Variants in TBC1D24 observed in about 807,000 individuals in gnomAD.
TBC1D24 encodes the protein Infantile myoclonic epilepsy.
Under a neutral mutation model 50.7 loss-of-function variants are expected in TBC1D24, and 47 were observed. The observed-to-expected ratio is 0.93, with a 90% CI of 0.73 to 1.18. TBC1D24 has a LOEUF of 1.18. TBC1D24 is among the 50% of genes most tolerant of loss of function. The pLI is 0.00. For synonymous variants in TBC1D24, 324 were observed against 335.2 expected, an observed-to-expected ratio of 0.97 and a Z score of 0.36; for missense variants, 688 against 766.5, an observed-to-expected ratio of 0.90 and a Z score of 1.21.
At chr16:2,476,426 T>G (rs2065569246) in intron 1 of TBC1D24, 1 of 152,250 alleles carries the variant, frequency 6.6e-6, no homozygotes, top group South Asian at 2.1e-4. Context: ...CCAATCCAGA[T>G]TAGAGAAGAT....
In TBC1D24 at chr16:2,501,257, G is replaced by A. The variant is rs2065791861; in HGVS notation, c.*299G>A. ...CTCCGTGGAGGCTTCCATAGCCCAA[G>A]GCCTTGGGAGTGTCTGGGTCTTGCT... On this transcript the variant is annotated 3_prime_UTR_variant, in exon 8 of 8. Coordinates refer to ENST00000646147, the MANE Select transcript of TBC1D24 (RefSeq NM_001199107.2). 6.4e-6 allele frequency: 3 copies of A among 470,816 alleles called. No individual in the cohort carries two copies. Among genetic ancestry groups the A allele is most frequent in the Non-Finnish European group, 1.2e-5 (3 of 256,354 alleles). 29.2% of individuals were successfully genotyped at this position (470,816 alleles called of 1,614,324 possible).
intron 1 of TBC1D24, among the ~76,000 whole-genome samples, chr16:2,493,020 G>A (rs2065708179): frequency 1.3e-5 from 2 of 151,924 alleles, no homozygotes; most frequent in South Asian, 4.2e-4. Flanking sequence ...TGAACCCAGG[G>A]AGGCGGAGGT....
chr16:2,487,582 G>T lies in TBC1D24; in HGVS notation c.-115-8452G>T, dbSNP rs1204405606. Among the ~76,000 whole-genome samples the T allele has an allele frequency of 6.6e-6, 1 of 152,236 alleles. No homozygotes were observed. Among genetic ancestry groups the T allele is most frequent in the Non-Finnish European group, 1.5e-5 (1 of 68,050 alleles). On this transcript the variant is annotated intron_variant, in intron 1 of 7. Coordinates refer to ENST00000646147, the MANE Select transcript of TBC1D24 (RefSeq NM_001199107.2). The surrounding 1 kb of genome is among the most constrained non-coding windows in gnomAD (Gnocchi z 4.1). ...GACGTGCAGAGGCCTCGTGACTCAGGCTGTCAGGCCTGGAGTTTGGTGCTG... is the reference window on the plus strand; with the variant it reads ...GACGTGCAGAGGCCTCGTGACTCAGTCTGTCAGGCCTGGAGTTTGGTGCTG...
Position 2,500,116 on chromosome 16 carries a change from C to A in TBC1D24, c.1303-152C>A. On this transcript the variant is annotated intron_variant, in intron 6 of 7. Coordinates refer to ENST00000646147, the MANE Select transcript of TBC1D24 (RefSeq NM_001199107.2). The surrounding 1 kb of genome is among the most constrained non-coding windows in gnomAD (Gnocchi z 8.0). ...GCTGCTCCGGGGCAGGGGGCTTCAT[C>A]TGCTCGAGCCACCAGCTCCCCAGCC... 2 of 938,782 alleles carry A rather than the reference C, an allele frequency of 2.1e-6. No homozygotes were observed. Among genetic ancestry groups the A allele is most frequent in the South Asian group, 1.4e-5 (1 of 70,350 alleles). 58.2% of individuals were successfully genotyped at this position (938,782 alleles called of 1,614,324 possible).
chr16:2,496,481 G>A lies in TBC1D24; in HGVS notation c.333G>A (p.Glu111=), dbSNP rs749237671. Reference sequence around the variant, plus strand: ...GCTACTGCCTGAATGCACGCGGCGAGGGGGCCGTGCGCAAGATCCTCCTGT... The same window carrying A: ...GCTACTGCCTGAATGCACGCGGCGAAGGGGCCGTGCGCAAGATCCTCCTGT... ...VPSYCLNARG[E]GAVRKILLCL... Residue 111 remains glutamate (E), a synonymous_variant, in exon 2 of 8, where the codon GAG becomes GAA. Transcript: ENST00000646147. 2.5e-6 allele frequency: 4 copies of A among 1,610,520 alleles called. No homozygotes were observed. The Admixed American group carries it at 6.7e-5, about 27-fold the overall frequency.
chr16:2,498,331 GC>G lies in TBC1D24; in HGVS notation c.1078del (p.Arg360AlafsTer87). On this transcript the variant is annotated frameshift_variant, in exon 4 of 8. Coordinates refer to ENST00000646147, the MANE Select transcript of TBC1D24 (RefSeq NM_001199107.2). LOFTEE classifies it high-confidence loss of function. Reference protein sequence around the residue: ...MRDIWSWVPERFALCQPLLLF... With the variant: ...MRDIWSWVPEXFALCQPLLLF... Reference sequence around the variant, plus strand: ...GAGACATCTGGTCCTGGGTCCCCGAGCGCTTTGCCCTGTGCCAGCCCCTTCT... The same window carrying G: ...GAGACATCTGGTCCTGGGTCCCCGAGGCTTTGCCCTGTGCCAGCCCCTTCT... The G allele has an allele frequency of 3.3e-5, 53 of 1,610,582 alleles. No homozygotes were observed. Among genetic ancestry groups the G allele is most frequent in the Non-Finnish European group, 4.5e-5 (53 of 1,178,494 alleles).
rs2065616474 is a variant in TBC1D24 at position 2,482,386 on chromosome 16, T to C, written c.-116+7216T>C. Among the ~76,000 whole-genome samples, 1 of 152,142 alleles carries C rather than the reference T, an allele frequency of 6.6e-6. No individual in the cohort carries two copies. The highest frequency in any genetic ancestry group is 1.5e-5 in the Non-Finnish European group (1 of 68,004). On this transcript the variant is annotated intron_variant, in intron 1 of 7. Coordinates refer to ENST00000646147, the MANE Select transcript of TBC1D24 (RefSeq NM_001199107.2). This position sits in a 1 kb window ranked among gnomAD's most constrained non-coding sequence, Gnocchi z 5.2. Reference sequence around the variant, plus strand: ...GTGGAGCTCTGTGACGCCTTGGCCCTGCCCCAGAGGTCCCATGGAGGCCTG... The same window carrying C: ...GTGGAGCTCTGTGACGCCTTGGCCCCGCCCCAGAGGTCCCATGGAGGCCTG...
rs528578401 is a variant in TBC1D24 at position 2,487,256 on chromosome 16, C to T, written c.-115-8778C>T. 3.3e-4 allele frequency among the ~76,000 whole-genome samples: 51 copies of T among 152,310 alleles called. No homozygotes were observed. Among genetic ancestry groups the T allele is most frequent in the African/African-American group, 1.2e-3 (49 of 41,570 alleles). ...GTTCCCCTAGCACTTCCCCAGCTGC[C>T]GTGGTTGACAGCCTTCTCTCAAGCC... On this transcript the variant is annotated intron_variant, in intron 1 of 7. Coordinates refer to ENST00000646147, the MANE Select transcript of TBC1D24 (RefSeq NM_001199107.2). This position sits in a 1 kb window ranked among gnomAD's most constrained non-coding sequence, Gnocchi z 4.1.
rs921484249 is a variant in TBC1D24 at position 2,500,098 on chromosome 16, C to T, written c.1302+168C>T. ...TTGATCATTCAGCCGTGCGCTGCTC[C>T]GGGGCAGGGGGCTTCATCTGCTCGA... is the stretch of plus-strand genomic sequence containing the variant. On this transcript the variant is annotated intron_variant, in intron 6 of 7. Coordinates refer to ENST00000646147, the MANE Select transcript of TBC1D24 (RefSeq NM_001199107.2). This position sits in a 1 kb window ranked among gnomAD's most constrained non-coding sequence, Gnocchi z 8.0. Among the ~76,000 whole-genome samples the T allele has an allele frequency of 3.3e-5, 5 of 152,104 alleles. No homozygotes were observed. The highest frequency in any genetic ancestry group is 9.7e-5 in the African/African-American group (4 of 41,420).
rs1046959243 is a variant in TBC1D24, at chr16:2,485,770, G to A, written c.-115-10264G>A. On this transcript the variant is annotated intron_variant, in intron 1 of 7. Transcript: ENST00000646147. This position sits in a 1 kb window ranked among gnomAD's most constrained non-coding sequence, Gnocchi z 4.6. ...TTGCTTGCTGCCGGGAGAAACCCCCGCATCTTCTGGGTCGCAGATCCTGTG... is the reference window on the plus strand; with the variant it reads ...TTGCTTGCTGCCGGGAGAAACCCCCACATCTTCTGGGTCGCAGATCCTGTG... Among the ~76,000 whole-genome samples, 9 of 152,230 alleles carry A rather than the reference G, an allele frequency of 5.9e-5. No individual in the cohort carries two copies. Among genetic ancestry groups the A allele is most frequent in the Non-Finnish European group, 7.3e-5 (5 of 68,028 alleles).
intron 1 of TBC1D24, among the ~76,000 whole-genome samples, chr16:2,488,552 T>C (rs1239182499): frequency 7.4e-6 from 1 of 135,012 alleles, no homozygotes; most frequent in East Asian, 2.3e-4. Flanking sequence ...GTCGCCAGGC[T>C]GGAGTGCAGT....
At position 2,498,909 on chromosome 16, in the gene TBC1D24, C is replaced by T. The variant is rs2065767179; in HGVS notation, c.1143-448C>T. ...TCCAGCCCCCACCCAGCACCGTTCA[C>T]AGGTTCATAACAACTCAAGCATTTT... On this transcript the variant is annotated intron_variant, in intron 4 of 7. Transcript: ENST00000646147. Among the ~76,000 whole-genome samples, 3 of 152,366 alleles carry T rather than the reference C, an allele frequency of 2.0e-5. No homozygotes were observed. In the South Asian group the frequency reaches 6.2e-4, roughly 32 times the overall value.
Position 2,499,485 on chromosome 16 carries a change from CAGGGCTGGCTCT to C in TBC1D24, c.1206+66_1206+77del. 1 of 1,474,090 alleles carries C rather than the reference CAGGGCTGGCTCT, an allele frequency of 6.8e-7. No homozygotes were observed. 91.3% of individuals were successfully genotyped at this position (1,474,090 alleles called of 1,614,324 possible). On this transcript the variant is annotated intron_variant, in intron 5 of 7. Coordinates refer to ENST00000646147, the MANE Select transcript of TBC1D24 (RefSeq NM_001199107.2). The surrounding 1 kb of genome is among the most constrained non-coding windows in gnomAD (Gnocchi z 4.0). ...CTCCAGGGCTGGCTCTGATGGGCTC[CAGGGCTGGCTCT>C]GATGGGCTTCAGGGCCTAGGCCTCC...
chr16:2,477,955 G>T (rs1386394659), intron 1 of TBC1D24: 2 of 152,300 alleles, frequency 1.3e-5, no homozygotes, highest in South Asian at 2.1e-4. Flanking sequence ...GGTAGATGGG[G>T]TGAAGTGAGT....
In TBC1D24 at chr16:2,500,836, G is replaced by A. The variant is rs1555501693; in HGVS notation, c.1558G>A (p.Gly520Arg). The change falls in exon 8 of 8, where the codon GGG (glycine) becomes AGG (arginine). Residue 520 changes from glycine (G) to arginine (R), a missense_variant. Coordinates refer to ENST00000646147, the MANE Select transcript of TBC1D24 (RefSeq NM_001199107.2). The surrounding 1 kb of genome is among the most constrained non-coding windows in gnomAD (Gnocchi z 8.0). Reference sequence around the variant, plus strand: ...AGGCGGCCAGGCGCTCTACATCGATGGGGACCTGAACCGGGGCCGCACAAG... The same window carrying A: ...AGGCGGCCAGGCGCTCTACATCGATAGGGACCTGAACCGGGGCCGCACAAG... ...GGGGQALYID[G>R]DLNRGRTSHC... is the part of the protein sequence containing the mutation. 1 of 1,608,664 alleles carries A rather than the reference G, an allele frequency of 6.2e-7. No homozygotes were observed. Among genetic ancestry groups the A allele is most frequent in the South Asian group, 1.1e-5 (1 of 91,060 alleles).
rs78183690 is a variant in TBC1D24 at position 2,482,972 on chromosome 16, G to C, written c.-116+7802G>C. 9,271 of 153,038 alleles carry C rather than the reference G, an allele frequency of 0.061. 393 individuals are homozygous for C. The highest frequency in any genetic ancestry group is 0.095 in the Non-Finnish European group (6,503 of 68,528). 9.5% of individuals were successfully genotyped at this position (153,038 alleles called of 1,614,324 possible). Reference sequence around the variant, plus strand: ...CAGCCACTTGGCTCAGAAGGAAAACGGAGAAGAGGTGGAGCTGGAGTGGAG... The same window carrying C: ...CAGCCACTTGGCTCAGAAGGAAAACCGAGAAGAGGTGGAGCTGGAGTGGAG... On this transcript the variant is annotated intron_variant, in intron 1 of 7. Coordinates refer to ENST00000646147, the MANE Select transcript of TBC1D24 (RefSeq NM_001199107.2). The surrounding 1 kb of genome is among the most constrained non-coding windows in gnomAD (Gnocchi z 5.2).
rs774586263 is a variant in TBC1D24, at chr16:2,500,418, G to A, written c.1453G>A (p.Ala485Thr). Residue 485 changes from alanine (A) to threonine (T), a missense_variant, in exon 7 of 8, where the codon GCT becomes ACT. Ala to Thr is a moderately conservative substitution (Grantham distance 58). Coordinates refer to ENST00000646147, the MANE Select transcript of TBC1D24 (RefSeq NM_001199107.2). This position sits in a 1 kb window ranked among gnomAD's most constrained non-coding sequence, Gnocchi z 8.0. ...PADRLSPFLA[A>T]RHFNLPSKTE... Reference sequence around the variant, plus strand: ...TGACCGCCTCTCGCCCTTCCTGGCCGCTCGCCACTTCAACCTGCCCTCCAA... The same window carrying A: ...TGACCGCCTCTCGCCCTTCCTGGCCACTCGCCACTTCAACCTGCCCTCCAA... 183 of 1,601,578 alleles carry A rather than the reference G, an allele frequency of 1.1e-4. No individual in the cohort carries two copies. Among genetic ancestry groups the A allele is most frequent in the South Asian group, 2.5e-4 (22 of 88,866 alleles).
intron 2 of TBC1D24, 124 bp downstream of exon 2, chr16:2,497,237 T>G: frequency 5.4e-6 from 7 of 1,286,620 alleles, no homozygotes; most frequent in Non-Finnish European, 7.7e-6. Context: ...CAGCCATCTG[T>G]GCATGGCTGA....
At position 2,475,306 on chromosome 16, in the gene TBC1D24, G is replaced by A. The variant is rs2065556970; in HGVS notation, c.-116+136G>A. Reference sequence around the variant, plus strand: ...GGGCTGCGGGCCCCATTCGAGGCGGGGATCCCCGGCCACGCGCGGGTTGGG... The same window carrying A: ...GGGCTGCGGGCCCCATTCGAGGCGGAGATCCCCGGCCACGCGCGGGTTGGG... On this transcript the variant is annotated intron_variant, in intron 1 of 7. Coordinates refer to ENST00000646147, the MANE Select transcript of TBC1D24 (RefSeq NM_001199107.2). The surrounding 1 kb of genome is among the most constrained non-coding windows in gnomAD (Gnocchi z 4.2). 6.6e-6 allele frequency: 1 copy of A among 150,658 alleles called. No individual in the cohort carries two copies. The highest frequency in any genetic ancestry group is 1.5e-5 in the Non-Finnish European group (1 of 67,394). The allele number at this position is 150,658 out of a possible 1,614,324, so 9.3% of individuals were successfully genotyped here. A position where few individuals can be genotyped will look rare whatever the true frequency, so the allele number is the denominator to read the frequency against.
Sources: gnomAD v4.1 joint callset for allele counts (sites outside exome capture counted in the v4.1 genomes callset) on GRCh38, gnomAD v4.1.1 for gene constraint, Gnocchi (gnomAD v3.1) non-coding constraint, MANE v1.5 for transcripts, NCBI Gene and HGNC (gene_info 2026-07-23, HGNC 2026-07-21) for gene names.